The following MEF2C variants were observed in gnomAD, a reference collection of about 807,000 sequenced individuals.
MEF2C encodes the protein myocyte-specific enhancer factor 2C.
In MEF2C, 6 loss-of-function variants were observed where a neutral mutation model predicts 50.5. The ratio of observed to expected loss-of-function variants is 0.12; its 90% CI spans 0.07 to 0.23. MEF2C has a LOEUF of 0.23. MEF2C is among the 10% of genes least tolerant of loss of function. MEF2C has a pLI of 1.00. For synonymous variants in MEF2C, 183 were observed against 228.0 expected, an observed-to-expected ratio of 0.80 and a Z score of 1.78; for missense variants, 276 against 605.0, an observed-to-expected ratio of 0.46 and a Z score of 5.70.
Position 88,761,022 on chromosome 5 carries a change from T to C in MEF2C, c.402+163A>G, listed in dbSNP as rs1483251234. ...ATGACTCTTGATCATATTATCAAAT[T>C]CTTCATTAATTTTTTTGTATTTTTC... On this transcript the variant is annotated intron_variant, in intron 4 of 10. Transcript: ENST00000504921. The C allele has an allele frequency of 1.9e-6, 3 of 1,611,246 alleles. No individual in the cohort carries two copies. Among genetic ancestry groups the C allele is most frequent in the Non-Finnish European group, 2.5e-6 (3 of 1,179,292 alleles).
At chr5:88,867,393 T>A (rs1477457386) in intron 1 of MEF2C, among the ~76,000 whole-genome samples, 1 of 152,176 alleles carries the variant, frequency 6.6e-6, no homozygotes, top group South Asian at 2.1e-4. Context: ...AGATTCTAGG[T>A]CTGCCATTAA....
upstream of MEF2C, among the ~76,000 whole-genome samples, chr5:88,886,678 T>G (rs1012121726): frequency 2.6e-5 from 4 of 152,256 alleles, no homozygotes; most frequent in African/African-American, 9.6e-5. Flanking sequence ...TATTTTTTTC[T>G]AATCACCAAA....
intron 1 of MEF2C, among the ~76,000 whole-genome samples, chr5:88,881,659 C>G (rs1832866040): frequency 6.6e-6 from 1 of 151,860 alleles, no homozygotes; most frequent in Non-Finnish European, 1.5e-5. Flanking sequence ...TTATTATACT[C>G]CACATAAACA....
intron 3 of MEF2C, among the ~76,000 whole-genome samples, chr5:88,783,048 T>C (rs1236611774): frequency 6.6e-6 from 1 of 152,240 alleles, no homozygotes; most frequent in East Asian, 1.9e-4. Flanking sequence ...CCCACGTTTT[T>C]CATCAATTGA....
intron 1 of MEF2C, among the ~76,000 whole-genome samples, chr5:88,896,721 A>G (rs183958028): frequency 6.6e-5 from 10 of 152,336 alleles, no homozygotes; most frequent in Non-Finnish European, 1.0e-4. Context: ...TTTGAACACT[A>G]CTAAAGTAAG....
At chr5:88,775,888 A>G in intron 3 of MEF2C, 3 of 819,390 alleles carry the variant, frequency 3.7e-6, no homozygotes, top group Non-Finnish European at 4.4e-6. Flanking sequence ...ATTTTGTTCC[A>G]TTGACTAGGC....
intron 5 of MEF2C, chr5:88,751,513 G>C: frequency 4.1e-6 from 4 of 985,416 alleles, no homozygotes; most frequent in Non-Finnish European, 4.8e-6. Context: ...TTGGCCAGGA[G>C]GAAGAGGGAA....
chr5:88,793,042 C>G (rs765019705), intron 3 of MEF2C, among the ~76,000 whole-genome samples: 5 of 152,114 alleles, frequency 3.3e-5, no homozygotes, highest in Non-Finnish European at 7.4e-5. Flanking sequence ...TGTACAGTCC[C>G]TTGCCCTTTG....
chr5:88,731,939 C>T, intron 6 of MEF2C, 38 bp from the exon 7 acceptor site: 5 of 1,575,446 alleles, frequency 3.2e-6, no homozygotes, highest in Non-Finnish European at 4.3e-6. Flanking sequence ...AGGAAGAAAT[C>T]TAGGTCAAAT....
At chr5:88,789,019 T>G (rs887088930) in intron 3 of MEF2C, among the ~76,000 whole-genome samples, 3 of 152,190 alleles carry the variant, frequency 2.0e-5, no homozygotes, top group African/African-American at 7.2e-5. Context: ...GGTTTCCTCC[T>G]TGACATCATA....
rs1351720198 is a variant in MEF2C at position 88,719,409 on chromosome 5, T to G, written c.*3195A>C. On this transcript the variant is annotated 3_prime_UTR_variant, in exon 11 of 11. Transcript: ENST00000504921. ...ATACAGGTTGTGCAGCTTGCGTATATTGCATCACTGTTACCAGTATTCAAG... is the reference window on the plus strand; with the variant it reads ...ATACAGGTTGTGCAGCTTGCGTATAGTGCATCACTGTTACCAGTATTCAAG... 1 of 152,234 alleles carries G rather than the reference T, an allele frequency of 6.6e-6. No individual in the cohort carries two copies. The highest frequency in any genetic ancestry group is 2.4e-5 in the African/African-American group (1 of 41,476). The allele number at this position is 152,234 out of a possible 1,614,324, so 9.4% of individuals were successfully genotyped here.
chr5:88,868,564 G>A (rs1828146649), intron 1 of MEF2C, among the ~76,000 whole-genome samples: 1 of 152,054 alleles, frequency 6.6e-6, no homozygotes, highest in East Asian at 1.9e-4. Flanking sequence ...CCCAATACTG[G>A]CATAGTTAGT....
intron 3 of MEF2C, chr5:88,775,802 C>T: frequency 1.0e-6 from 1 of 983,758 alleles, no homozygotes; most frequent in Non-Finnish European, 1.2e-6. Context: ...TAGAGTGACA[C>T]TGAGAACTGA....
chr5:88,820,861 C>T (rs1304055113), intron 2 of MEF2C, among the ~76,000 whole-genome samples: 1 of 151,952 alleles, frequency 6.6e-6, no homozygotes, highest in Non-Finnish European at 1.5e-5. Context: ...TACAACTGCT[C>T]TCATAGTAGG....
chr5:88,879,909 T>C (rs570027923), intron 1 of MEF2C, among the ~76,000 whole-genome samples: 9 of 152,244 alleles, frequency 5.9e-5, no homozygotes, highest in African/African-American at 7.2e-5. Flanking sequence ...CAAAATAACA[T>C]GTGAACTATG....
At chr5:88,733,521 A>T (rs745954993) in intron 6 of MEF2C, 4 of 985,306 alleles carry the variant, frequency 4.1e-6, no homozygotes, top group Non-Finnish European at 4.8e-6. Flanking sequence ...CAGTCTGGAG[A>T]CTACTTTGAT....
intron 4 of MEF2C, among the ~76,000 whole-genome samples, chr5:88,759,673 T>TAGTC (rs67057219): frequency 0.49 from 73,689 of 151,740 alleles, 19,209 homozygotes; most frequent in East Asian, 0.58. Flanking sequence ...GTGCATATAA[T>TAGTC]AGTTTTATGA....
At chr5:88,778,500 G>C (rs1786044154) in intron 3 of MEF2C, among the ~76,000 whole-genome samples, 1 of 152,002 alleles carries the variant, frequency 6.6e-6, no homozygotes. Flanking sequence ...TTGGGTTGAG[G>C]GAATAGATTG....
At chr5:88,725,896 G>C (rs1213517786) in intron 10 of MEF2C, among the ~76,000 whole-genome samples, 2 of 152,034 alleles carry the variant, frequency 1.3e-5, no homozygotes, top group Non-Finnish European at 2.9e-5. Context: ...TTTTATAGGT[G>C]GTGGTTTAGA....
Sources: gnomAD v4.1 joint callset for allele counts (sites outside exome capture counted in the v4.1 genomes callset) on GRCh38, gnomAD v4.1.1 for gene constraint, MANE v1.5 for transcripts, NCBI Gene and HGNC (gene_info 2026-07-23, HGNC 2026-07-21) for gene names.